Variants in PSD2 observed in about 807,000 individuals in gnomAD.
PSD2 encodes pleckstrin and Sec7 domain containing 2.
A neutral mutation model predicts 69.8 loss-of-function variants in PSD2; 38 were observed. The observed-to-expected ratio is 0.54, with a 90% confidence interval of 0.42 to 0.71. The LOEUF (loss-of-function observed/expected upper bound fraction) is 0.71. PSD2 is among the 30% of genes least tolerant of loss of function. PSD2 has a pLI of 0.00. For missense variants in PSD2, 943 were observed against 1,014.5 expected, an observed-to-expected ratio of 0.93 and a Z score of 0.96; for synonymous variants, 412 against 423.0, an observed-to-expected ratio of 0.97 and a Z score of 0.32.
At chr5:139,842,010 C>T (rs1316821064) in intron 14 of PSD2, among the ~76,000 whole-genome samples, 1 of 152,090 alleles carries the variant, frequency 6.6e-6, no homozygotes, top group Non-Finnish European at 1.5e-5. Context: ...GATATAGTCC[C>T]ATTTGTGTAT....
At position 139,833,741 on chromosome 5, in the gene PSD2, A is replaced by C. The variant is rs566938691; in HGVS notation, c.1309A>C (p.Asn437His). ...KKMSCQQFIANLDQLNDGQDF... is the reference protein window; with the variant it reads ...KKMSCQQFIAHLDQLNDGQDF... ...GATGTCCTGTCAGCAATTCATTGCC[A>C]ACTTGGACCAGCTGAATGATGGCCA... Residue 437 changes from asparagine (N) to histidine (H), a missense_variant, in exon 8 of 15, where the codon AAC becomes CAC. Coordinates refer to ENST00000274710, the MANE Select transcript of PSD2 (RefSeq NM_032289.4). 4 of 1,614,156 alleles carry C rather than the reference A, an allele frequency of 2.5e-6. No homozygotes were observed. In the African/African-American group the frequency reaches 5.3e-5, roughly 22 times the overall value.
intron 7 of PSD2, among the ~76,000 whole-genome samples, chr5:139,828,709 C>T (rs1247500653): frequency 6.6e-6 from 1 of 152,162 alleles, no homozygotes; most frequent in African/African-American, 2.4e-5. Flanking sequence ...TAGCATTGTT[C>T]TGATCTCAGG....
At chr5:139,745,383 A>ACCAC in the PSD2 span, 1 of 152,516 alleles carries the variant, frequency 6.6e-6, no homozygotes, top group Admixed American at 6.5e-5. Context: ...AGGCCCCCCT[A>ACCAC]CCACCACATT....
At chr5:139,767,455 C>T in the PSD2 span, among the ~76,000 whole-genome samples, 1 of 152,176 alleles carries the variant, frequency 6.6e-6, no homozygotes, top group African/African-American at 2.4e-5. Context: ...GCTGGGATTA[C>T]AGGCATGCAC....
the PSD2 span, among the ~76,000 whole-genome samples, chr5:139,789,973 AGGCAGAGAGCAGCACGGGGCCGG>A: frequency 9.2e-5 from 14 of 151,990 alleles, no homozygotes; most frequent in Admixed American, 3.9e-4. Flanking sequence ...GGAGTGTTTT[AGGCAGAGAGCAGCACGGGGCCGG>A]GCGGGCGCTG....
intron 1 of PSD2, among the ~76,000 whole-genome samples, chr5:139,804,988 T>C (rs531071081): frequency 1.3e-5 from 2 of 151,566 alleles, no homozygotes; most frequent in East Asian, 3.9e-4. Flanking sequence ...CGTGTGTGCA[T>C]GTGTGTGTCT....
At chr5:139,820,946 T>C (rs1323791461) in intron 5 of PSD2, among the ~76,000 whole-genome samples, 8 of 151,720 alleles carry the variant, frequency 5.3e-5, no homozygotes, top group Non-Finnish European at 8.8e-5. Context: ...TTTTTTTTTT[T>C]TCTTGAGATG....
intron 1 of PSD2, among the ~76,000 whole-genome samples, chr5:139,796,575 CGAGGCGG>C (rs1759535129): frequency 6.6e-6 from 1 of 152,168 alleles, no homozygotes; most frequent in Non-Finnish European, 1.5e-5. Context: ...ACATAATGGC[CGAGGCGG>C]CAGCGGGAGG....
chr5:139,830,199 A>G (rs1349079448), intron 7 of PSD2, among the ~76,000 whole-genome samples: 3 of 151,614 alleles, frequency 2.0e-5, no homozygotes, highest in African/African-American at 7.3e-5. Context: ...CAGGTCCTTC[A>G]TTCATTTTAA....
At chr5:139,833,207 G>A (rs542837060) in intron 7 of PSD2, among the ~76,000 whole-genome samples, 17 of 152,066 alleles carry the variant, frequency 1.1e-4, no homozygotes, top group Admixed American at 1.0e-3. Flanking sequence ...AGAGTTAACC[G>A]TGGAGTAGCG....
At chr5:139,803,712 G>A (rs190243487) in intron 1 of PSD2, among the ~76,000 whole-genome samples, 56 of 152,118 alleles carry the variant, frequency 3.7e-4, no homozygotes, top group Non-Finnish European at 3.4e-4. Context: ...AGACCAAGTG[G>A]GTTAAGAGGG....
intron 6 of PSD2, 126 bp from the exon 7 acceptor site, chr5:139,822,600 T>C: frequency 2.8e-6 from 2 of 717,524 alleles, no homozygotes; most frequent in Non-Finnish European, 4.5e-6. Flanking sequence ...CCCTGTCCCC[T>C]GAGGTGAGTT....
chr5:139,756,619 A>G, the PSD2 span, among the ~76,000 whole-genome samples: 1 of 152,076 alleles, frequency 6.6e-6, no homozygotes, highest in Non-Finnish European at 1.5e-5. Flanking sequence ...AGGAGGCAGG[A>G]CTCAGCAGAG....
At chr5:139,759,051 G>A in the PSD2 span, among the ~76,000 whole-genome samples, 1 of 151,590 alleles carries the variant, frequency 6.6e-6, no homozygotes, top group South Asian at 2.1e-4. Flanking sequence ...AGTACTGAAG[G>A]GGAGATCTAG....
upstream of PSD2, among the ~76,000 whole-genome samples, chr5:139,792,557 T>A (rs1759432079): frequency 6.6e-6 from 1 of 151,708 alleles, no homozygotes. Flanking sequence ...TGAGACCCCC[T>A]CAGGTGAGGA....
At chr5:139,778,945 CAAAAAAA>C in the PSD2 span, among the ~76,000 whole-genome samples, 10 of 99,906 alleles carry the variant, frequency 1.0e-4, no homozygotes, top group East Asian at 6.3e-4. Context: ...AGAAAAAAAA[CAAAAAAA>C]AAAAAAAAAA....
At chr5:139,818,744 C>T (rs1375091063) in intron 5 of PSD2, among the ~76,000 whole-genome samples, 2 of 152,146 alleles carry the variant, frequency 1.3e-5, no homozygotes, top group Non-Finnish European at 2.9e-5. Context: ...TTGGCGATCA[C>T]CTTGAGCAGT....
Position 139,796,719 on chromosome 5 carries a change from C to T in PSD2, c.-51+744C>T, listed in dbSNP as rs138758613. Among the ~76,000 whole-genome samples, 921 of 152,266 alleles carry T rather than the reference C, an allele frequency of 6.0e-3. 6 individuals carry two copies. The highest frequency in any genetic ancestry group is 6.7e-3 in the Non-Finnish European group (455 of 68,016). ...GTTCCTAGAGGATGCAGGGACTCCCCGGAATGATCACTGGGGGCATTGTTT... is the reference window on the plus strand; with the variant it reads ...GTTCCTAGAGGATGCAGGGACTCCCTGGAATGATCACTGGGGGCATTGTTT... On this transcript the variant is annotated intron_variant, in intron 1 of 14. Coordinates refer to ENST00000274710, the MANE Select transcript of PSD2 (RefSeq NM_032289.4).
At chr5:139,767,807 A>G in the PSD2 span, among the ~76,000 whole-genome samples, 1 of 152,252 alleles carries the variant, frequency 6.6e-6, no homozygotes. Context: ...GTGATTCAGC[A>G]CATGCAATCC....
Sources: allele counts gnomAD v4.1 joint callset (sites outside exome capture counted in the v4.1 genomes callset), GRCh38; gene constraint gnomAD v4.1.1; transcripts MANE v1.5; gene names NCBI Gene and HGNC (gene_info 2026-07-23, HGNC 2026-07-21).